RAB7A: variants seen among roughly 807,000 people sequenced by gnomAD.
RAB7A encodes the protein RAB7A, member RAS oncogene family.
RAB7A carries 2 observed loss-of-function variants against 24.5 expected under a neutral mutation model. The ratio of observed to expected loss-of-function variants is 0.08; its 90% confidence interval spans 0.03 to 0.26. The LOEUF is 0.26. RAB7A is among the 10% of genes least tolerant of loss of function. The probability of loss-of-function intolerance (pLI) is 1.00; values close to 1 mark genes in which losing one functional copy is unlikely to be tolerated. For missense variants in RAB7A, 118 were observed against 255.7 expected, an observed-to-expected ratio of 0.46 and a Z score of 3.67; for synonymous variants, 100 against 95.9, an observed-to-expected ratio of 1.04 and a Z score of -0.25.
chr3:128,775,504 C>T (rs1473018797), intron 1 of RAB7A, among the ~76,000 whole-genome samples: 2 of 152,162 alleles, frequency 1.3e-5, no homozygotes, highest in East Asian at 3.8e-4. Flanking sequence ...GCTTGTATCC[C>T]ATGGATGGTG....
At chr3:128,726,510 C>T (rs533942719) in intron 1 of RAB7A, among the ~76,000 whole-genome samples, 151 bp downstream of exon 1, 1 of 152,220 alleles carries the variant, frequency 6.6e-6, no homozygotes, top group South Asian at 2.1e-4. Flanking sequence ...CTCAGGCCCC[C>T]GGAGCAGGCC....
At chr3:128,773,384 G>A (rs1576288384) in intron 1 of RAB7A, among the ~76,000 whole-genome samples, 1 of 152,056 alleles carries the variant, frequency 6.6e-6, no homozygotes, top group East Asian at 1.9e-4. Flanking sequence ...GAGAAGTGAG[G>A]CGCCCCTCTG....
chr3:128,759,518 T>C (rs966090232), intron 1 of RAB7A, among the ~76,000 whole-genome samples: 39 of 152,228 alleles, frequency 2.6e-4, no homozygotes, highest in African/African-American at 8.0e-4. Context: ...GTTTTAGTCC[T>C]TTTACACTTC....
At chr3:128,766,654 A>G (rs2070834411) in intron 1 of RAB7A, among the ~76,000 whole-genome samples, 2 of 152,046 alleles carry the variant, frequency 1.3e-5, no homozygotes, top group East Asian at 1.9e-4. Context: ...TATTTTTTGT[A>G]GAGATGGCAG....
intron 1 of RAB7A, among the ~76,000 whole-genome samples, chr3:128,782,613 C>T (rs1186171103): frequency 1.4e-5 from 2 of 140,602 alleles, no homozygotes; most frequent in Non-Finnish European, 3.0e-5. Context: ...CCTCTGTTGT[C>T]CATAGTAGGC....
chr3:128,759,504 T>G (rs970269079), intron 1 of RAB7A, among the ~76,000 whole-genome samples: 5 of 152,182 alleles, frequency 3.3e-5, no homozygotes, highest in African/African-American at 1.2e-4. Flanking sequence ...AGAATGGGTT[T>G]TAAGTTTTAG....
intron 1 of RAB7A, among the ~76,000 whole-genome samples, chr3:128,734,412 A>G (rs1324916221): frequency 6.9e-6 from 1 of 144,016 alleles, no homozygotes; most frequent in African/African-American, 2.6e-5. Context: ...CTGAGATTTC[A>G]CCACTGCACT....
intron 1 of RAB7A, among the ~76,000 whole-genome samples, chr3:128,754,489 A>G (rs1274894115): frequency 6.6e-6 from 1 of 152,210 alleles, no homozygotes; most frequent in Non-Finnish European, 1.5e-5. Flanking sequence ...AAATAAGATA[A>G]TAATGCAGGA....
chr3:128,783,681 C>T (rs1250400428), intron 1 of RAB7A, among the ~76,000 whole-genome samples: 1 of 152,202 alleles, frequency 6.6e-6, no homozygotes, highest in Non-Finnish European at 1.5e-5. Flanking sequence ...GGATAACTTA[C>T]TGCGCCACCC....
intron 1 of RAB7A, among the ~76,000 whole-genome samples, chr3:128,771,430 C>T (rs13081864): frequency 0.19 from 28,265 of 152,134 alleles, 2,849 homozygotes; most frequent in East Asian, 0.46. Context: ...TAATAAGGGG[C>T]TTACTCCATT....
chr3:128,753,976 A>G (rs540902924), intron 1 of RAB7A, among the ~76,000 whole-genome samples: 8 of 152,034 alleles, frequency 5.3e-5, no homozygotes, highest in Non-Finnish European at 1.2e-4. Flanking sequence ...TGAATTTTGG[A>G]GGAACACAAA....
At chr3:128,732,456 C>T (rs984131322) in intron 1 of RAB7A, among the ~76,000 whole-genome samples, 4 of 151,826 alleles carry the variant, frequency 2.6e-5, no homozygotes, top group African/African-American at 9.7e-5. Context: ...TTCACTACCC[C>T]GAGGAAGACC....
intron 1 of RAB7A, among the ~76,000 whole-genome samples, chr3:128,785,890 C>T (rs946458614): frequency 6.6e-6 from 1 of 152,036 alleles, no homozygotes; most frequent in African/African-American, 2.4e-5. Flanking sequence ...TCTGTCTTTT[C>T]CTACTGAGTT....
chr3:128,796,352 C>T (rs538127425), intron 2 of RAB7A, among the ~76,000 whole-genome samples: 7 of 151,856 alleles, frequency 4.6e-5, no homozygotes, highest in East Asian at 1.9e-4. Flanking sequence ...CTGGGGAGGC[C>T]GAGGCGAGAG....
intron 1 of RAB7A, among the ~76,000 whole-genome samples, chr3:128,787,751 C>T (rs773472544): frequency 3.9e-5 from 6 of 152,212 alleles, no homozygotes; most frequent in Non-Finnish European, 5.9e-5. Flanking sequence ...TGTTCTGTCA[C>T]CCAGGCTGGA....
At chr3:128,795,602 T>A (rs1404992215) in intron 2 of RAB7A, among the ~76,000 whole-genome samples, 182 bp downstream of exon 2, 1 of 152,006 alleles carries the variant, frequency 6.6e-6, no homozygotes, top group Non-Finnish European at 1.5e-5. Context: ...TCTCTAGTTT[T>A]TAGCATGATT....
intron 1 of RAB7A, among the ~76,000 whole-genome samples, chr3:128,734,255 C>T (rs2070467948): frequency 6.6e-6 from 1 of 151,944 alleles, no homozygotes; most frequent in Non-Finnish European, 1.5e-5. Flanking sequence ...CATAGCGAAA[C>T]CCTGTGTCTA....
At chr3:128,758,365 C>A (rs1019436791) in intron 1 of RAB7A, among the ~76,000 whole-genome samples, 1 of 151,364 alleles carries the variant, frequency 6.6e-6, no homozygotes, top group South Asian at 2.1e-4. Context: ...CTCCGCCTTC[C>A]AGGTTCACGC....
intron 5 of RAB7A, among the ~76,000 whole-genome samples, chr3:128,808,097 C>G (rs1312583874): frequency 6.6e-6 from 1 of 152,170 alleles, no homozygotes; most frequent in African/African-American, 2.4e-5. Flanking sequence ...TGGCTCATGC[C>G]TGTAATCCTA....
Sources: gnomAD v4.1 joint callset for allele counts (sites outside exome capture counted in the v4.1 genomes callset) on GRCh38, gnomAD v4.1.1 for gene constraint, MANE v1.5 for transcripts, NCBI Gene and HGNC (gene_info 2026-07-23, HGNC 2026-07-21) for gene names.